Variants in ATRNL1 observed in about 807,000 individuals in gnomAD.
ATRNL1 encodes attractin like 1.
In ATRNL1, 95 loss-of-function variants were observed where a neutral mutation model predicts 182.7. The observed-to-expected ratio is 0.52, with a 90% CI of 0.44 to 0.62. ATRNL1 has a LOEUF of 0.62. Among genes scored for constraint, ATRNL1 ranks in the 20% least tolerant of loss-of-function variants. ATRNL1 has a pLI of 0.00. For missense variants in ATRNL1, 1,471 were observed against 1,679.5 expected, an observed-to-expected ratio of 0.88 and a Z score of 2.17; for synonymous variants, 576 against 568.3, an observed-to-expected ratio of 1.01 and a Z score of -0.19.
At chr10:115,595,777 T>C (rs1856199380) in intron 26 of ATRNL1, among the ~76,000 whole-genome samples, 3 of 47,884 alleles carry the variant, frequency 6.3e-5, no homozygotes, top group Admixed American at 6.2e-4. Flanking sequence ...AATGTTACAA[T>C]TTGGTCTCAA....
chr10:115,389,569 T>TAC (rs1843897194), intron 19 of ATRNL1, among the ~76,000 whole-genome samples: 1 of 120,084 alleles, frequency 8.3e-6, no homozygotes, highest in Non-Finnish European at 1.8e-5. Context: ...TATATATATA[T>TAC]ATATATATAT....
chr10:115,751,371 GT>G (rs1248581131), intron 27 of ATRNL1, among the ~76,000 whole-genome samples: 1 of 152,026 alleles, frequency 6.6e-6, no homozygotes, highest in African/African-American at 2.4e-5. Context: ...AGAAATTTGT[GT>G]TTTTAATCTA....
At chr10:115,509,001 A>T (rs1850254688) in intron 24 of ATRNL1, among the ~76,000 whole-genome samples, 1 of 152,038 alleles carries the variant, frequency 6.6e-6, no homozygotes, top group Admixed American at 6.6e-5. Context: ...TTAGGAGCTA[A>T]TGCATCTGGT....
chr10:115,254,994 T>G (rs927863627), intron 10 of ATRNL1, among the ~76,000 whole-genome samples: 4 of 152,222 alleles, frequency 2.6e-5, no homozygotes, highest in African/African-American at 4.8e-5. Context: ...CATTGGTCTA[T>G]ATCTCTGTTT....
At chr10:115,433,190 G>T (rs1384209192) in intron 21 of ATRNL1, among the ~76,000 whole-genome samples, 2 of 151,982 alleles carry the variant, frequency 1.3e-5, no homozygotes, top group East Asian at 3.9e-4. Context: ...TACCTATTTT[G>T]AGAGTAGGAA....
At chr10:115,409,650 C>G (rs1490370571) in intron 20 of ATRNL1, among the ~76,000 whole-genome samples, 2 of 151,888 alleles carry the variant, frequency 1.3e-5, no homozygotes, top group African/African-American at 4.8e-5. Flanking sequence ...TGTTTTAGTT[C>G]TTACTGAAAA....
intron 20 of ATRNL1, among the ~76,000 whole-genome samples, chr10:115,407,647 G>A (rs1844899886): frequency 6.6e-6 from 1 of 152,084 alleles, no homozygotes; most frequent in African/African-American, 2.4e-5. Flanking sequence ...CACTTAGGTT[G>A]ATTACATATC....
At chr10:115,717,790 G>A (rs1328610856) in intron 26 of ATRNL1, among the ~76,000 whole-genome samples, 6 of 152,002 alleles carry the variant, frequency 3.9e-5, no homozygotes, top group Admixed American at 6.6e-5. Flanking sequence ...TCTTGACCTC[G>A]TGATCCACCC....
At chr10:115,739,167 C>T (rs150124166) in intron 27 of ATRNL1, among the ~76,000 whole-genome samples, 81 of 152,066 alleles carry the variant, frequency 5.3e-4, no homozygotes, top group African/African-American at 1.9e-3. Flanking sequence ...TAAATAGAAA[C>T]ATTTGGATGT....
intron 26 of ATRNL1, among the ~76,000 whole-genome samples, chr10:115,722,765 A>G (rs1202180962): frequency 1.3e-5 from 2 of 152,080 alleles, no homozygotes; most frequent in African/African-American, 2.4e-5. Flanking sequence ...GTTTTTTTCT[A>G]TGATCTTTGC....
chr10:115,618,896 T>G (rs1366633984), intron 26 of ATRNL1, among the ~76,000 whole-genome samples: 2 of 152,170 alleles, frequency 1.3e-5, no homozygotes, highest in Non-Finnish European at 2.9e-5. Flanking sequence ...TCTTTAGGGT[T>G]TTTTGTGTTC....
chr10:115,884,724 C>G (rs782719937), intron 28 of ATRNL1, among the ~76,000 whole-genome samples: 7 of 152,182 alleles, frequency 4.6e-5, no homozygotes, highest in Non-Finnish European at 1.0e-4. Context: ...GCATTTCGTA[C>G]TTAGCTACGC....
intron 24 of ATRNL1, among the ~76,000 whole-genome samples, chr10:115,473,589 A>G (rs1246432905): frequency 1.3e-5 from 2 of 151,268 alleles, no homozygotes; most frequent in Non-Finnish European, 3.0e-5. Context: ...CTTGCCTTAC[A>G]GCATAAGTTC....
intron 27 of ATRNL1, among the ~76,000 whole-genome samples, chr10:115,847,174 A>C (rs542029328): frequency 7.2e-5 from 11 of 152,246 alleles, no homozygotes; most frequent in African/African-American, 2.6e-4. Context: ...AGTCAAAGAC[A>C]TAGAAACAGA....
intron 21 of ATRNL1, among the ~76,000 whole-genome samples, chr10:115,443,556 T>A (rs1468720806): frequency 6.6e-6 from 1 of 152,010 alleles, no homozygotes; most frequent in Non-Finnish European, 1.5e-5. Context: ...CTTTTATAGC[T>A]TTTTTGGAAG....
chr10:115,927,094 A>G (rs1953259539), intron 28 of ATRNL1, among the ~76,000 whole-genome samples: 1 of 152,208 alleles, frequency 6.6e-6, no homozygotes, highest in South Asian at 2.1e-4. Context: ...CATCCCTGGG[A>G]TGCAAGCTGG....
intron 26 of ATRNL1, among the ~76,000 whole-genome samples, chr10:115,567,266 CA>C (rs1854124623): frequency 6.6e-6 from 1 of 152,074 alleles, no homozygotes; most frequent in Admixed American, 6.6e-5. Context: ...TAATATTTTA[CA>C]AATTAAAGAT....
At chr10:115,895,155 A>G (rs909162154) in intron 28 of ATRNL1, among the ~76,000 whole-genome samples, 1 of 152,244 alleles carries the variant, frequency 6.6e-6, no homozygotes, top group Non-Finnish European at 1.5e-5. Context: ...CATTTCTAAA[A>G]GTAAAAAATA....
intron 19 of ATRNL1, among the ~76,000 whole-genome samples, chr10:115,359,907 A>G (rs782353756): frequency 2.6e-5 from 4 of 151,592 alleles, no homozygotes; most frequent in Non-Finnish European, 5.9e-5. Context: ...CTTTACCATA[A>G]CATATGTATT....
Sources: gnomAD v4.1 joint callset for allele counts (sites outside exome capture counted in the v4.1 genomes callset) on GRCh38, gnomAD v4.1.1 for gene constraint, MANE v1.5 for transcripts, NCBI Gene and HGNC (gene_info 2026-07-23, HGNC 2026-07-21) for gene names.